The following DRC1 variants were observed in gnomAD, a reference collection of about 807,000 sequenced individuals.
DRC1 encodes dynein regulatory complex protein 1.
A neutral mutation model predicts 98.7 loss-of-function variants in DRC1; 74 were observed. The observed-to-expected ratio is 0.75, with a 90% CI of 0.62 to 0.91. The LOEUF is 0.91. Ranked by LOEUF, DRC1 falls within the 40% of genes least tolerant of loss-of-function variation. The pLI is 0.00. For synonymous variants in DRC1, 336 were observed against 334.1 expected (o/e 1.01, Z -0.06); for missense variants, 875 against 886.0 (o/e 0.99, Z 0.16).
chr2:26,434,763 C>T lies in DRC1; in HGVS notation c.888+2757C>T, dbSNP rs539260990. Among the ~76,000 whole-genome samples, 227 of 151,984 alleles carry T rather than the reference C, an allele frequency of 1.5e-3. 1 individual carries two copies. Among genetic ancestry groups the T allele is most frequent in the African/African-American group, 5.2e-3 (215 of 41,454 alleles). On this transcript the variant is annotated intron_variant, in intron 7 of 16. Coordinates refer to ENST00000288710, the MANE Select transcript of DRC1 (RefSeq NM_145038.5). ...AAAATTAGCCGGGTGTGGTGGCGGG[C>T]GCCTGTAGTCCCAGCTACTCAGTAG...
intron 1 of DRC1, among the ~76,000 whole-genome samples, chr2:26,412,286 G>C (rs1040251936): frequency 6.6e-6 from 1 of 151,888 alleles, no homozygotes; most frequent in Non-Finnish European, 1.5e-5. Context: ...GAGAATTGCT[G>C]GAACCCAGGA....
In DRC1 at chr2:26,426,161, C is replaced by T. The variant is rs575549278; in HGVS notation, c.540+1707C>T. 5.9e-5 allele frequency among the ~76,000 whole-genome samples: 9 copies of T among 152,274 alleles called. No individual in the cohort carries two copies. The South Asian group carries it at 1.9e-3, about 32-fold the overall frequency. ...TTTGTTGAAGAGACTATCCTTTCTC[C>T]ACTGTATAGTCTTGTCAAAAGTCAT... is the stretch of plus-strand genomic sequence containing the variant. On this transcript the variant is annotated intron_variant, in intron 4 of 16. Coordinates refer to ENST00000288710, the MANE Select transcript of DRC1 (RefSeq NM_145038.5).
intron 3 of DRC1, 45 bp downstream of exon 3, chr2:26,421,445 T>A: frequency 6.5e-7 from 1 of 1,546,378 alleles, no homozygotes; most frequent in South Asian, 1.1e-5. Context: ...GAAGGTAATC[T>A]CCATGGGTCC....
At chr2:26,446,253 TG>T in intron 10 of DRC1, among the ~76,000 whole-genome samples, 1 of 152,136 alleles carries the variant, frequency 6.6e-6, no homozygotes, top group East Asian at 1.9e-4. Flanking sequence ...CATGCCACAA[TG>T]CCCAGCTAAT....
chr2:26,444,491 T>C, intron 9 of DRC1, 135 bp downstream of exon 9: 1 of 1,253,370 alleles, frequency 8.0e-7, no homozygotes, highest in Non-Finnish European at 1.1e-6. Flanking sequence ...AGTTAACCTT[T>C]TGTGGTGTGT....
rs151116875 is a variant in DRC1 at position 26,449,731 on chromosome 2, G to C, written c.1510-265G>C. On this transcript the variant is annotated intron_variant, in intron 11 of 16. Transcript: ENST00000288710. ...AGTGGCTTGTGGGTGAGGTGGGTTG[G>C]TGCCCTTCTGGGTGGGAAAAGCTAA... Among the ~76,000 whole-genome samples the C allele has an allele frequency of 5.1e-3, 778 of 152,346 alleles. 2 individuals carry two copies. The highest frequency in any genetic ancestry group is 0.014 in the Middle Eastern group (4 of 294).
At chr2:26,423,002 T>G (rs1663185644) in intron 3 of DRC1, among the ~76,000 whole-genome samples, 1 of 152,138 alleles carries the variant, frequency 6.6e-6, no homozygotes, top group Non-Finnish European at 1.5e-5. Flanking sequence ...ACAATATTTT[T>G]AGTTGTTCAG....
chr2:26,417,412 G>T (rs887706365), intron 2 of DRC1, among the ~76,000 whole-genome samples: 1 of 150,056 alleles, frequency 6.7e-6, no homozygotes, highest in African/African-American at 2.5e-5. Context: ...CACTGCAACC[G>T]CCGCCTCCTG....
At chr2:26,415,444 T>C (rs1299656869) in intron 2 of DRC1, among the ~76,000 whole-genome samples, 1 of 152,146 alleles carries the variant, frequency 6.6e-6, no homozygotes, top group Non-Finnish European at 1.5e-5. Context: ...AGAAAAAATA[T>C]TCACGTTGCT....
In DRC1 at chr2:26,453,420, A is replaced by G. The variant is rs747479532; in HGVS notation, c.1790A>G (p.Glu597Gly). The change falls in exon 14 of 17, where the codon GAA (glutamate) becomes GGA (glycine). Residue 597 changes from glutamate to glycine, a missense_variant. Coordinates refer to ENST00000288710, the MANE Select transcript of DRC1 (RefSeq NM_145038.5). ...GCAGAGCAGACGGAGATGGAGGGAG[A>G]AAAGGAAGAAAGCCTGGTGGAAGGG... ...ELAEQTEMEG[E>G]KEESLVEGEK... The G allele has an allele frequency of 5.6e-6, 9 of 1,614,110 alleles. No homozygotes were observed. Among genetic ancestry groups the G allele is most frequent in the Non-Finnish European group, 7.6e-6 (9 of 1,180,030 alleles).
At chr2:26,404,766 G>T (rs1033695351) in intron 1 of DRC1, among the ~76,000 whole-genome samples, 11 of 152,106 alleles carry the variant, frequency 7.2e-5, no homozygotes, top group Non-Finnish European at 1.3e-4. Flanking sequence ...AAGTATGTAG[G>T]TCCCAATTAT....
chr2:26,430,486 T>C (rs1474601822), intron 5 of DRC1: 10 of 519,790 alleles, frequency 1.9e-5, no homozygotes, highest in East Asian at 5.3e-5. Context: ...TGGCCTGCCG[T>C]GTGACTGCCA....
At chr2:26,412,237 A>C (rs1183206080) in intron 1 of DRC1, among the ~76,000 whole-genome samples, 2 of 152,144 alleles carry the variant, frequency 1.3e-5, no homozygotes, top group Non-Finnish European at 2.9e-5. Flanking sequence ...GAAAAAGTCA[A>C]GAAAGAATGA....
intron 5 of DRC1, chr2:26,430,348 G>GTTA: frequency 2.8e-6 from 1 of 354,248 alleles, no homozygotes; most frequent in Non-Finnish European, 5.7e-6. Context: ...TCTCTCTCTC[G>GTTA]GTTGTTAGAG....
chr2:26,432,619 G>A (rs1663465970), intron 7 of DRC1, among the ~76,000 whole-genome samples: 1 of 139,476 alleles, frequency 7.2e-6, no homozygotes, highest in African/African-American at 2.7e-5. Context: ...GAAAGGAAGA[G>A]AAAGAGAAAG....
intron 8 of DRC1, among the ~76,000 whole-genome samples, chr2:26,440,846 A>T (rs896588715): frequency 1.3e-5 from 2 of 152,184 alleles, no homozygotes; most frequent in African/African-American, 4.8e-5. Context: ...GGCAGTCTGT[A>T]CACACTCCTG....
intron 7 of DRC1, among the ~76,000 whole-genome samples, chr2:26,435,517 C>T (rs949095130): frequency 6.6e-6 from 1 of 152,142 alleles, no homozygotes; most frequent in Non-Finnish European, 1.5e-5. Flanking sequence ...TATTTCATTA[C>T]CCGGGTAATA....
Position 26,454,816 on chromosome 2 carries a change from A to G in DRC1, c.2063+26A>G, listed in dbSNP as rs201883981. The G allele has an allele frequency of 2.3e-4, 377 of 1,613,542 alleles. 4 individuals carry two copies. The East Asian group carries it at 4.9e-3, about 21-fold the overall frequency. ...GTAAGTGTGCATGTCATGGAGCAGG[A>G]GGGTGCTGGCGGGCAGGTGAGGAAC... On this transcript the variant is annotated intron_variant, in intron 15 of 16. Transcript: ENST00000288710. This position sits in a 1 kb window ranked among gnomAD's most constrained non-coding sequence, Gnocchi z 5.2.
rs1220750027 is a variant in DRC1 at position 26,431,930 on chromosome 2, A to G, written c.812A>G (p.Lys271Arg). The G allele has an allele frequency of 6.2e-7, 1 of 1,614,202 alleles. No individual in the cohort carries two copies. The highest frequency in any genetic ancestry group is 8.5e-7 in the Non-Finnish European group (1 of 1,180,012). The change falls in exon 7 of 17, where the codon AAG becomes AGG. Residue 271 changes from lysine to arginine, a missense_variant. Transcript: ENST00000288710. ...ATGAAGAAAGTAGAGGACTATGAGA[A>G]GCAGCTGAACAGGCAGAGGATCTGG... ...NRMKKVEDYE[K>R]QLNRQRIWDC...
Sources: gnomAD v4.1 joint callset for allele counts (sites outside exome capture counted in the v4.1 genomes callset) on GRCh38, gnomAD v4.1.1 for gene constraint, Gnocchi (gnomAD v3.1) non-coding constraint, MANE v1.5 for transcripts, NCBI Gene and HGNC (gene_info 2026-07-23, HGNC 2026-07-21) for gene names.